Variants in ERBB4 observed in about 807,000 individuals in gnomAD.
The protein encoded by ERBB4 is receptor tyrosine-protein kinase erbB-4.
Under a neutral mutation model 158.0 loss-of-function variants are expected in ERBB4, and 42 were observed. The observed-to-expected ratio is 0.27, with a 90% CI of 0.21 to 0.34. The LOEUF (loss-of-function observed/expected upper bound fraction) is 0.34, where lower values mean the gene tolerates loss of function less well. ERBB4 is among the 10% of genes least tolerant of loss of function. The probability of loss-of-function intolerance (pLI) is 1.00; values close to 1 mark genes in which losing one functional copy is unlikely to be tolerated. For synonymous variants in ERBB4, 583 were observed against 558.7 expected, an observed-to-expected ratio of 1.04 and a Z score of -0.61; for missense variants, 1,333 against 1,624.1, an observed-to-expected ratio of 0.82 and a Z score of 3.08.
At chr2:212,425,818 T>C (rs1333217237) in intron 1 of ERBB4, among the ~76,000 whole-genome samples, 1 of 151,958 alleles carries the variant, frequency 6.6e-6, no homozygotes, top group Admixed American at 6.6e-5. Flanking sequence ...TTGGTATCCA[T>C]CATTCTTACC....
At chr2:211,675,810 A>ATATATAT (rs61556310) in intron 13 of ERBB4, among the ~76,000 whole-genome samples, 5 of 143,500 alleles carry the variant, frequency 3.5e-5, no homozygotes, top group Non-Finnish European at 7.7e-5. Context: ...ATATATATAT[A>ATATATAT]ACAAATAGGC....
chr2:211,408,560 C>G (rs2063191674), intron 25 of ERBB4, among the ~76,000 whole-genome samples: 1 of 152,176 alleles, frequency 6.6e-6, no homozygotes, highest in African/African-American at 2.4e-5. Context: ...CTTAAACAAG[C>G]AGTGTTTCTA....
chr2:212,085,420 T>C (rs1168624367), intron 2 of ERBB4, among the ~76,000 whole-genome samples: 1 of 151,904 alleles, frequency 6.6e-6, no homozygotes, highest in African/African-American at 2.4e-5. Context: ...AAATGAGTGA[T>C]AAATAAAAGC....
At chr2:212,529,784 G>C (rs1351594) in intron 1 of ERBB4, among the ~76,000 whole-genome samples, 32,545 of 152,128 alleles carry the variant, frequency 0.21, 3,957 homozygotes, top group African/African-American at 0.34. Flanking sequence ...CTACTGGCTA[G>C]AGTAGCCAGT....
intron 19 of ERBB4, among the ~76,000 whole-genome samples, chr2:211,592,497 G>C (rs950018610): frequency 6.6e-6 from 1 of 152,184 alleles, no homozygotes; most frequent in Non-Finnish European, 1.5e-5. Flanking sequence ...ATATTGTAAA[G>C]CGTAATGTCT....
chr2:211,621,879 A>G (rs1191318231), intron 18 of ERBB4, among the ~76,000 whole-genome samples: 1 of 152,152 alleles, frequency 6.6e-6, no homozygotes, highest in Non-Finnish European at 1.5e-5. Flanking sequence ...AGGAAGCCCT[A>G]ATATTTTTCT....
intron 17 of ERBB4, among the ~76,000 whole-genome samples, chr2:211,628,773 T>C (rs2069970522): frequency 1.3e-5 from 2 of 152,208 alleles, no homozygotes; most frequent in South Asian, 4.1e-4. Context: ...TGAACTAGTT[T>C]ACAGTCCCAC....
intron 1 of ERBB4, among the ~76,000 whole-genome samples, chr2:212,312,841 A>G: frequency 6.6e-6 from 1 of 150,874 alleles, no homozygotes; most frequent in South Asian, 2.1e-4. Context: ...ACTGAACAAC[A>G]TAGTATTAAT....
At chr2:211,920,557 C>T (rs2125075906) in intron 3 of ERBB4, among the ~76,000 whole-genome samples, 1 of 152,036 alleles carries the variant, frequency 6.6e-6, no homozygotes, top group African/African-American at 2.4e-5. Flanking sequence ...TAGTAGGTCA[C>T]ATTTCAACCT....
intron 5 of ERBB4, among the ~76,000 whole-genome samples, chr2:211,746,131 A>G (rs2074964980): frequency 6.6e-6 from 1 of 152,188 alleles, no homozygotes; most frequent in Non-Finnish European, 1.5e-5. Flanking sequence ...CTATTCTAAC[A>G]TTTGGCCGGT....
At chr2:212,397,319 A>G (rs2091057805) in intron 1 of ERBB4, among the ~76,000 whole-genome samples, 1 of 152,050 alleles carries the variant, frequency 6.6e-6, no homozygotes, top group Non-Finnish European at 1.5e-5. Flanking sequence ...TACAAAAAAT[A>G]CAAAACAGCC....
chr2:212,191,752 C>CGT (rs1273410021), intron 1 of ERBB4, among the ~76,000 whole-genome samples: 10 of 137,996 alleles, frequency 7.2e-5, no homozygotes, highest in African/African-American at 2.8e-4. Flanking sequence ...ACATATAACA[C>CGT]GTGTTATACA....
chr2:211,406,663 C>T (rs2063154735), intron 25 of ERBB4, among the ~76,000 whole-genome samples: 1 of 152,054 alleles, frequency 6.6e-6, no homozygotes, highest in Admixed American at 6.6e-5. Context: ...GCCAGGCTTC[C>T]AGGTTTTGTC....
intron 2 of ERBB4, among the ~76,000 whole-genome samples, chr2:212,027,871 G>A (rs781287625): frequency 8.6e-5 from 13 of 151,642 alleles, no homozygotes; most frequent in East Asian, 1.9e-4. Flanking sequence ...TGAGTCATGC[G>A]GATTGAGCAA....
intron 2 of ERBB4, among the ~76,000 whole-genome samples, chr2:212,034,960 A>T (rs1222968768): frequency 6.6e-6 from 1 of 152,188 alleles, no homozygotes; most frequent in Non-Finnish European, 1.5e-5. Flanking sequence ...AAATTAGGTT[A>T]TGTTAATTCC....
chr2:211,725,369 A>T (rs1431233788), intron 5 of ERBB4, among the ~76,000 whole-genome samples, 175 bp from the exon 6 acceptor site: 4 of 152,180 alleles, frequency 2.6e-5, no homozygotes, highest in African/African-American at 9.7e-5. Flanking sequence ...AAATTAATTT[A>T]TAATTATTTC....
intron 1 of ERBB4, among the ~76,000 whole-genome samples, chr2:212,179,530 G>C (rs1521646): frequency 0.44 from 66,118 of 151,212 alleles, 16,756 homozygotes; most frequent in East Asian, 0.77. Flanking sequence ...ATATTAACAC[G>C]GAGTAGAAAA....
chr2:212,259,045 G>A (rs1007738189), intron 1 of ERBB4, among the ~76,000 whole-genome samples: 4 of 152,100 alleles, frequency 2.6e-5, no homozygotes, highest in Admixed American at 6.5e-5. Context: ...CATCTAGGAG[G>A]TGGGTATAAA....
At position 211,788,147 on chromosome 2, in the gene ERBB4, C is replaced by G; in HGVS notation, c.434G>C (p.Gly145Ala). 6.2e-7 allele frequency: 1 copy of G among 1,611,914 alleles called. No homozygotes were observed. Among genetic ancestry groups the G allele is most frequent in the Non-Finnish European group, 8.5e-7 (1 of 1,178,312 alleles). The change falls in exon 4 of 28, where the codon GGT (glycine) becomes GCT (alanine). Residue 145 changes from glycine (G) to alanine (A), a missense_variant. By Grantham distance (60) the Gly-to-Ala change is moderately conservative. Coordinates refer to ENST00000342788, the MANE Select transcript of ERBB4 (RefSeq NM_005235.3). The part of the protein sequence containing the change: ...GLKNLTEILN[G>A]GVYVDQNKFL... ...TTTGTTCTGGTCTACATAGACTCCA[C>G]CATTTAGGATTTCTGTATTAAAAAA...
Sources: gnomAD v4.1 joint callset for allele counts (sites outside exome capture counted in the v4.1 genomes callset) on GRCh38, gnomAD v4.1.1 for gene constraint, MANE v1.5 for transcripts, NCBI Gene and HGNC (gene_info 2026-07-23, HGNC 2026-07-21) for gene names.